AKR1E2: variants seen among roughly 807,000 people sequenced by gnomAD.
AKR1E2 encodes 1,5-anhydro-D-fructose reductase.
AKR1E2 carries 43 observed loss-of-function variants against 41.9 expected under a neutral mutation model. The ratio of observed to expected loss-of-function variants is 1.03; its 90% CI spans 0.80 to 1.32. The LOEUF (loss-of-function observed/expected upper bound fraction) is 1.32. AKR1E2 is among the 40% of genes most tolerant of loss of function. The probability of loss-of-function intolerance (pLI) is 0.00; values close to 1 mark genes in which losing one functional copy is unlikely to be tolerated. For missense variants in AKR1E2, 423 were observed against 396.5 expected (o/e 1.07, Z -0.57); for synonymous variants, 121 against 138.9 (o/e 0.87, Z 0.91).
At chr10:4,827,914 C>A (rs961044502) in intron 1 of AKR1E2, among the ~76,000 whole-genome samples, 4 of 152,020 alleles carry the variant, frequency 2.6e-5, no homozygotes, top group Admixed American at 2.0e-4. Flanking sequence ...TTCGTGCACA[C>A]AGGATAAGGA....
At chr10:4,857,633 C>T in the AKR1E2 span, among the ~76,000 whole-genome samples, 3 of 152,214 alleles carry the variant, frequency 2.0e-5, no homozygotes, top group African/African-American at 2.4e-5. Flanking sequence ...CAGACTAATA[C>T]GTACTCCATA....
intron 8 of AKR1E2, among the ~76,000 whole-genome samples, chr10:4,844,552 T>C (rs1246736783): frequency 6.6e-6 from 1 of 152,186 alleles, no homozygotes; most frequent in Non-Finnish European, 1.5e-5. Flanking sequence ...GTGGTCTGTT[T>C]TGACAGGGTG....
At chr10:4,862,852 C>G in the AKR1E2 span, among the ~76,000 whole-genome samples, 1 of 152,042 alleles carries the variant, frequency 6.6e-6, no homozygotes, top group Non-Finnish European at 1.5e-5. Flanking sequence ...CAACAAAGAT[C>G]TAAAGAGACA....
chr10:4,845,226 G>T (rs769211930), intron 8 of AKR1E2, among the ~76,000 whole-genome samples: 52 of 152,160 alleles, frequency 3.4e-4, no homozygotes, highest in Non-Finnish European at 7.2e-4. Flanking sequence ...GGCCCACCAA[G>T]CCCACACCCA....
At chr10:4,854,928 T>G in the AKR1E2 span, among the ~76,000 whole-genome samples, 3 of 152,174 alleles carry the variant, frequency 2.0e-5, no homozygotes, top group Non-Finnish European at 4.4e-5. Context: ...ACTGCTATTG[T>G]CTTTGGAATA....
the AKR1E2 span, chr10:4,871,911 A>G: frequency 6.6e-6 from 1 of 152,164 alleles, no homozygotes; most frequent in Non-Finnish European, 1.5e-5. Context: ...ATTCATCAAG[A>G]AATGGATAAT....
At chr10:4,844,869 C>T (rs573590818) in intron 8 of AKR1E2, among the ~76,000 whole-genome samples, 10 of 152,212 alleles carry the variant, frequency 6.6e-5, no homozygotes, top group East Asian at 1.9e-4. Context: ...GGATCCCGCA[C>T]GGGGCCGCAG....
chr10:4,837,071 C>T (rs1027114066), intron 4 of AKR1E2, among the ~76,000 whole-genome samples: 1 of 152,110 alleles, frequency 6.6e-6, no homozygotes, highest in African/African-American at 2.4e-5. Flanking sequence ...AAATAAAATC[C>T]GCAGCAGACA....
At chr10:4,865,768 A>G in the AKR1E2 span, among the ~76,000 whole-genome samples, 5 of 152,186 alleles carry the variant, frequency 3.3e-5, no homozygotes, top group African/African-American at 9.6e-5. Context: ...ATAATTATAA[A>G]TTGGTAGGAC....
At chr10:4,855,290 T>C in the AKR1E2 span, among the ~76,000 whole-genome samples, 39,251 of 152,114 alleles carry the variant, frequency 0.26, 5,255 homozygotes, top group Middle Eastern at 0.37. Flanking sequence ...TAGTCATAAG[T>C]TGGGGCAAAT....
chr10:4,867,642 G>C, the AKR1E2 span, among the ~76,000 whole-genome samples: 1 of 152,196 alleles, frequency 6.6e-6, no homozygotes, highest in African/African-American at 2.4e-5. Flanking sequence ...TCATTGCTGA[G>C]TAGGATTGCA....
chr10:4,866,055 A>C, the AKR1E2 span, among the ~76,000 whole-genome samples: 1 of 152,214 alleles, frequency 6.6e-6, no homozygotes, highest in Non-Finnish European at 1.5e-5. Context: ...GACAGACGTG[A>C]AGTTTCTGTC....
intron 2 of AKR1E2, 72 bp from the exon 3 acceptor site, chr10:4,833,278 G>T: frequency 2.5e-6 from 3 of 1,223,538 alleles, no homozygotes; most frequent in Non-Finnish European, 3.6e-6. Flanking sequence ...CAGTAGCTTT[G>T]TGGGGCTACA....
the AKR1E2 span, among the ~76,000 whole-genome samples, chr10:4,855,342 G>A: frequency 6.6e-6 from 1 of 152,178 alleles, no homozygotes; most frequent in African/African-American, 2.4e-5. Context: ...TCTGTCATAA[G>A]GAGGAGTATC....
At chr10:4,834,907 C>A (rs1464815098) in intron 3 of AKR1E2, among the ~76,000 whole-genome samples, 1 of 152,204 alleles carries the variant, frequency 6.6e-6, no homozygotes, top group East Asian at 1.9e-4. Flanking sequence ...GAGTATGAGT[C>A]CCGGGCTGCA....
At chr10:4,837,206 C>T (rs1833499010) in intron 4 of AKR1E2, among the ~76,000 whole-genome samples, 1 of 152,164 alleles carries the variant, frequency 6.6e-6, no homozygotes, top group African/African-American at 2.4e-5. Flanking sequence ...TGGCACAGGC[C>T]ATGTAGACCT....
At chr10:4,837,622 T>C (rs989136053) in intron 5 of AKR1E2, 41 bp downstream of exon 5, 1 of 1,590,844 alleles carries the variant, frequency 6.3e-7, no homozygotes, top group African/African-American at 1.3e-5. Flanking sequence ...CCTGTGTGGC[T>C]GGTCCCCCAG....
At chr10:4,843,106 TG>T (rs1834020277) in intron 8 of AKR1E2, among the ~76,000 whole-genome samples, 1 of 152,164 alleles carries the variant, frequency 6.6e-6, no homozygotes, top group Non-Finnish European at 1.5e-5. Context: ...GTGTGTGAAG[TG>T]TGTGAAATCT....
intron 1 of AKR1E2, among the ~76,000 whole-genome samples, chr10:4,827,835 G>C (rs1054406721): frequency 6.6e-6 from 1 of 152,120 alleles, no homozygotes; most frequent in Non-Finnish European, 1.5e-5. Context: ...GTAAGCACTC[G>C]ATGGATTAAA....
Sources: allele counts gnomAD v4.1 joint callset (sites outside exome capture counted in the v4.1 genomes callset), GRCh38; gene constraint gnomAD v4.1.1; transcripts MANE v1.5; gene names NCBI Gene and HGNC (gene_info 2026-07-23, HGNC 2026-07-21).